PCDHA9: variants seen among roughly 807,000 people sequenced by gnomAD.
PCDHA9 encodes protocadherin alpha-9.
In PCDHA9, 62 loss-of-function variants were observed where a neutral mutation model predicts 62.0. That is an observed-to-expected ratio of 1.00 (90% CI 0.81 to 1.23). The LOEUF is 1.23. Ranked by LOEUF, PCDHA9 falls within the 50% of genes most tolerant of loss-of-function variation. PCDHA9 has a pLI of 0.00. For missense variants in PCDHA9, 1,205 were observed against 1,249.8 expected (o/e 0.96, Z 0.54); for synonymous variants, 557 against 567.6 (o/e 0.98, Z 0.27).
intron 1 of PCDHA9, chr5:140,883,965 T>A (rs781999874): frequency 1.9e-6 from 3 of 1,613,128 alleles, no homozygotes; most frequent in Non-Finnish European, 2.5e-6. Context: ...CCGGCGCTGC[T>A]GACGCCCGGG....
At chr5:140,969,249 ACAG>A in intron 1 of PCDHA9, 1 of 1,614,240 alleles carries the variant, frequency 6.2e-7, no homozygotes, top group Non-Finnish European at 8.5e-7. Flanking sequence ...GCAGTGACTG[ACAG>A]CAGGAATCTC....
intron 1 of PCDHA9, chr5:140,884,510 T>C: frequency 3.1e-6 from 5 of 1,613,982 alleles, no homozygotes; most frequent in Non-Finnish European, 3.4e-6. Context: ...GGCAGGGAGT[T>C]GGTCGTACTC....
At chr5:140,992,954 C>T (rs1174073844) in intron 3 of PCDHA9, among the ~76,000 whole-genome samples, 4 of 152,190 alleles carry the variant, frequency 2.6e-5, no homozygotes, top group Non-Finnish European at 5.9e-5. Context: ...TTAAATCACC[C>T]CTTATACTGC....
chr5:141,000,392 T>TATAA (rs2097913276), intron 3 of PCDHA9, among the ~76,000 whole-genome samples: 1 of 62,986 alleles, frequency 1.6e-5, no homozygotes, highest in African/African-American at 7.3e-5. Context: ...TCTCTCTCTC[T>TATAA]CTCTATATAT....
At chr5:140,898,583 G>C (rs1179481608) in intron 1 of PCDHA9, among the ~76,000 whole-genome samples, 2 of 152,124 alleles carry the variant, frequency 1.3e-5, no homozygotes, top group African/African-American at 4.8e-5. Context: ...TGCTGTTTTG[G>C]TTACTGTAGC....
At chr5:140,870,481 A>C (rs1329928274) in intron 1 of PCDHA9, 1 of 1,614,210 alleles carries the variant, frequency 6.2e-7, no homozygotes, top group East Asian at 2.2e-5. Context: ...GCCCGAGTAC[A>C]CCGTGTTCGT....
intron 1 of PCDHA9, among the ~76,000 whole-genome samples, chr5:140,881,010 T>C (rs782629592): frequency 5.3e-5 from 8 of 152,198 alleles, no homozygotes; most frequent in South Asian, 4.1e-4. Flanking sequence ...AGCAGAGCTA[T>C]GGAAATAAAC....
Position 140,858,065 on chromosome 5 carries a change from C to T in PCDHA9, c.2394+7176C>T, listed in dbSNP as rs200661444. 1.2e-3 allele frequency: 1,989 copies of T among 1,597,646 alleles called. 147 individuals carry two copies. Among genetic ancestry groups the T allele is most frequent in the Non-Finnish European group, 1.1e-3 (1,233 of 1,167,558 alleles). Reference sequence around the variant, plus strand: ...GCTTGTGTCGCTTGTGGAGGGCAGCCAGGCACCCAAGGCCTCGTCGCGGGC... The same window carrying T: ...GCTTGTGTCGCTTGTGGAGGGCAGCTAGGCACCCAAGGCCTCGTCGCGGGC... On this transcript the variant is annotated intron_variant, in intron 1 of 3. Transcript: ENST00000532602.
chr5:140,853,857 A>T, intron 1 of PCDHA9: 3 of 985,610 alleles, frequency 3.0e-6, no homozygotes, highest in Non-Finnish European at 3.7e-6. Flanking sequence ...GCCCTATTTG[A>T]TACTTGACAG....
At chr5:140,867,461 T>C (rs1197194209) in intron 1 of PCDHA9, 1 of 152,126 alleles carries the variant, frequency 6.6e-6, no homozygotes, top group African/African-American at 2.4e-5. Context: ...TCTAGTGTTA[T>C]GACAACATTG....
chr5:140,877,320 C>G, intron 1 of PCDHA9: 1 of 1,613,972 alleles, frequency 6.2e-7, no homozygotes, highest in Non-Finnish European at 8.5e-7. Context: ...CGGCGGCGGT[C>G]GGCGCGCACA....
chr5:140,955,726 C>T (rs934215613), intron 1 of PCDHA9, among the ~76,000 whole-genome samples: 1 of 152,264 alleles, frequency 6.6e-6, no homozygotes, highest in East Asian at 1.9e-4. Context: ...ACCATTGAAT[C>T]TATAAATTAC....
At chr5:140,852,905 G>C in intron 1 of PCDHA9, 3 of 819,178 alleles carry the variant, frequency 3.7e-6, no homozygotes, top group Non-Finnish European at 4.5e-6. Flanking sequence ...TTGAGTCAGA[G>C]TCTCGCTCTG....
rs959323631 is a variant in PCDHA9 at position 140,967,718 on chromosome 5, C to A, written c.2395-11231C>A. The A allele has an allele frequency of 8.7e-6, 14 of 1,614,106 alleles. 1 individual carries two copies. The South Asian group carries it at 1.5e-4, about 18-fold the overall frequency. ...CATAGATGCCAGTACCGGGGAAGTG[C>A]GAGTAATTGGGGGGCTGGATTATGA... On this transcript the variant is annotated intron_variant, in intron 1 of 3. Transcript: ENST00000532602.
intron 1 of PCDHA9, chr5:140,883,623 C>A: frequency 6.2e-7 from 1 of 1,613,988 alleles, no homozygotes; most frequent in Non-Finnish European, 8.5e-7. Context: ...AACGACAACG[C>A]GCCGGCGTTC....
chr5:140,968,659 C>T, intron 1 of PCDHA9: 1 of 1,614,160 alleles, frequency 6.2e-7, no homozygotes, highest in East Asian at 2.2e-5. Flanking sequence ...CTGACCTGGA[C>T]CTCTTTAAGG....
At chr5:140,935,203 A>G (rs1403808889) in intron 1 of PCDHA9, among the ~76,000 whole-genome samples, 1 of 152,160 alleles carries the variant, frequency 6.6e-6, no homozygotes, top group Non-Finnish European at 1.5e-5. Flanking sequence ...GTTTCTAGGT[A>G]TCTTCAGCTA....
chr5:140,934,625 A>G (rs1554210030), intron 1 of PCDHA9, among the ~76,000 whole-genome samples: 1 of 152,116 alleles, frequency 6.6e-6, no homozygotes, highest in Non-Finnish European at 1.5e-5. Context: ...GGTACAGTTC[A>G]CACAGGAAAG....
chr5:140,984,138 G>A (rs1476039645), intron 3 of PCDHA9, among the ~76,000 whole-genome samples: 1 of 152,194 alleles, frequency 6.6e-6, no homozygotes, highest in East Asian at 1.9e-4. Flanking sequence ...GGATGTGGAG[G>A]CATCTGGGAA....
Sources: gnomAD v4.1 joint callset for allele counts (sites outside exome capture counted in the v4.1 genomes callset) on GRCh38, gnomAD v4.1.1 for gene constraint, MANE v1.5 for transcripts, NCBI Gene and HGNC (gene_info 2026-07-23, HGNC 2026-07-21) for gene names.